The following OPCML variants were observed in gnomAD, a reference collection of about 807,000 sequenced individuals.
The protein encoded by OPCML is opioid-binding protein/cell adhesion molecule.
OPCML carries 13 observed loss-of-function variants against 37.8 expected under a neutral mutation model. The ratio of observed to expected loss-of-function variants is 0.34; its 90% confidence interval spans 0.22 to 0.55. The LOEUF (loss-of-function observed/expected upper bound fraction) is 0.55. OPCML is among the 20% of genes least tolerant of loss of function. The probability of loss-of-function intolerance (pLI) is 0.91; values close to 1 mark genes in which losing one functional copy is unlikely to be tolerated. For missense variants in OPCML, 341 were observed against 435.6 expected, an observed-to-expected ratio of 0.78 and a Z score of 1.93; for synonymous variants, 176 against 168.8, an observed-to-expected ratio of 1.04 and a Z score of -0.33.
intron 3 of OPCML, among the ~76,000 whole-genome samples, chr11:132,656,346 C>T (rs573576519): frequency 6.6e-6 from 1 of 152,150 alleles, no homozygotes; most frequent in East Asian, 1.9e-4. Context: ...TTCTTCAGCC[C>T]CATTTTTGAG....
chr11:132,898,030 C>T (rs1378639510), intron 2 of OPCML, among the ~76,000 whole-genome samples: 1 of 152,034 alleles, frequency 6.6e-6, no homozygotes, highest in Non-Finnish European at 1.5e-5. Flanking sequence ...CTGTCATTGC[C>T]CAGTGGGCTC....
intron 2 of OPCML, among the ~76,000 whole-genome samples, chr11:132,672,803 G>C (rs1942531399): frequency 6.6e-6 from 1 of 152,040 alleles, no homozygotes; most frequent in African/African-American, 2.4e-5. Context: ...ATTTAGCTTG[G>C]TTCTTCACTG....
At chr11:132,785,710 G>C (rs559197547) in intron 2 of OPCML, among the ~76,000 whole-genome samples, 1 of 152,146 alleles carries the variant, frequency 6.6e-6, no homozygotes, top group Non-Finnish European at 1.5e-5. Context: ...AAGGAGCCAC[G>C]TGCTTAGGAC....
rs768733292 is a variant in OPCML, at chr11:133,532,334, GCGGTGCTCTCAGCTGCCGGGCTT to G, written c.-33_-11del. 6 of 1,612,800 alleles carry G rather than the reference GCGGTGCTCTCAGCTGCCGGGCTT, an allele frequency of 3.7e-6. No homozygotes were observed. Among genetic ancestry groups the G allele is most frequent in the Non-Finnish European group, 8.5e-7 (1 of 1,179,494 alleles). On this transcript the variant is annotated 5_prime_UTR_variant, in exon 1 of 8. Transcript: ENST00000524381. ...AGGCAGGATGGTACATCTCGACGCT[GCGGTGCTCTCAGCTGCCGGGCTT>G]GCTACTGCTTCTGCTGCTGCTACCG...
intron 1 of OPCML, among the ~76,000 whole-genome samples, chr11:132,946,815 A>T (rs1215566942): frequency 6.6e-6 from 1 of 152,158 alleles, no homozygotes; most frequent in East Asian, 1.9e-4. Context: ...TTCATGACAC[A>T]TGTCTTTTCT....
chr11:132,783,205 A>G (rs1947094194), intron 2 of OPCML, among the ~76,000 whole-genome samples: 2 of 152,138 alleles, frequency 1.3e-5, no homozygotes, highest in African/African-American at 4.8e-5. Context: ...AGAGAGCAAA[A>G]GAGCCAGATG....
chr11:133,520,847 G>T (rs1218276338), intron 1 of OPCML, among the ~76,000 whole-genome samples: 3 of 152,138 alleles, frequency 2.0e-5, no homozygotes, highest in Non-Finnish European at 4.4e-5. Flanking sequence ...CACGTTCTCT[G>T]GCAGGGCTCA....
chr11:133,055,123 T>A (rs1948205792), intron 1 of OPCML, among the ~76,000 whole-genome samples: 1 of 149,216 alleles, frequency 6.7e-6, no homozygotes, highest in Non-Finnish European at 1.5e-5. Context: ...GCTGCCTCCA[T>A]GATACTTCCA....
chr11:132,687,936 T>G, intron 2 of OPCML, among the ~76,000 whole-genome samples: 1 of 152,176 alleles, frequency 6.6e-6, no homozygotes, highest in East Asian at 1.9e-4. Flanking sequence ...CTCTGTGATT[T>G]ACTATAGAAT....
chr11:132,651,059 C>T (rs1941404613), intron 3 of OPCML, among the ~76,000 whole-genome samples: 1 of 152,216 alleles, frequency 6.6e-6, no homozygotes, highest in South Asian at 2.1e-4. Flanking sequence ...TGCAACCGCT[C>T]CTTGGTGCAA....
chr11:132,448,294 C>T (rs937031188), intron 4 of OPCML, among the ~76,000 whole-genome samples: 2 of 152,196 alleles, frequency 1.3e-5, no homozygotes, highest in East Asian at 1.9e-4. Flanking sequence ...AACAATGATG[C>T]CAACCATCAG....
chr11:133,439,308 TA>T, intron 1 of OPCML: 2 of 976,926 alleles, frequency 2.0e-6, no homozygotes, highest in Non-Finnish European at 2.4e-6. Context: ...TTTTTTTTTT[TA>T]AAGCCAACCT....
At chr11:132,452,133 G>A (rs1056216711) in intron 4 of OPCML, among the ~76,000 whole-genome samples, 2 of 152,196 alleles carry the variant, frequency 1.3e-5, no homozygotes, top group Non-Finnish European at 2.9e-5. Flanking sequence ...CCCCAAAAAT[G>A]TGGCAGGCCC....
At chr11:133,063,089 G>C (rs922119260) in intron 1 of OPCML, among the ~76,000 whole-genome samples, 1 of 152,230 alleles carries the variant, frequency 6.6e-6, no homozygotes, top group East Asian at 1.9e-4. Context: ...CGTGCTGTGA[G>C]TTCTACCGGT....
chr11:132,613,523 A>G (rs1336273452), intron 3 of OPCML, among the ~76,000 whole-genome samples: 3 of 152,202 alleles, frequency 2.0e-5, no homozygotes, highest in South Asian at 4.1e-4. Flanking sequence ...CTGCCAAACC[A>G]TTGGAACTGT....
intron 1 of OPCML, among the ~76,000 whole-genome samples, chr11:133,358,830 G>A (rs958695477): frequency 6.6e-6 from 1 of 151,780 alleles, no homozygotes; most frequent in African/African-American, 2.4e-5. Context: ...CTAGAAACCT[G>A]CTGGAGGTGT....
In OPCML at chr11:133,003,910, G is replaced by A. The variant is rs76820829; in HGVS notation, c.62-60900C>T. 4.8e-4 allele frequency: 471 copies of A among 985,408 alleles called. 1 individual carries two copies. The African/African-American group carries it at 6.7e-3, about 14-fold the overall frequency. 61.0% of individuals were successfully genotyped at this position (985,408 alleles called of 1,614,324 possible). A position where few individuals can be genotyped will look rare whatever the true frequency, so the allele number is the denominator to read the frequency against. ...AGTTGTCAGGATCCCCGCCAATCCC[G>A]GTGGGGCTTCTGGTCACACAGGCTG... is the stretch of plus-strand genomic sequence containing the variant. On this transcript the variant is annotated intron_variant, in intron 1 of 7. Transcript: ENST00000524381.
intron 1 of OPCML, among the ~76,000 whole-genome samples, chr11:133,499,218 A>G (rs1049809853): frequency 1.3e-5 from 2 of 152,162 alleles, no homozygotes; most frequent in African/African-American, 4.8e-5. Context: ...GAGTGAGGGA[A>G]AAAGTCTTGG....
intron 3 of OPCML, among the ~76,000 whole-genome samples, chr11:132,537,069 C>T (rs1342848122): frequency 2.0e-5 from 3 of 152,192 alleles, no homozygotes; most frequent in Non-Finnish European, 4.4e-5. Context: ...TGGGTCTTAT[C>T]AGTGAGCTCC....
Sources: allele counts gnomAD v4.1 joint callset (sites outside exome capture counted in the v4.1 genomes callset), GRCh38; gene constraint gnomAD v4.1.1; transcripts MANE v1.5; gene names NCBI Gene and HGNC (gene_info 2026-07-23, HGNC 2026-07-21).